Variants in EPHA6 observed in about 807,000 individuals in gnomAD.
EPHA6 encodes EPH receptor A6, also known as ephrin type-A receptor 6.
A neutral mutation model predicts 112.0 loss-of-function variants in EPHA6; 50 were observed. The ratio of observed to expected loss-of-function variants is 0.45; its 90% CI spans 0.36 to 0.56. The LOEUF (loss-of-function observed/expected upper bound fraction) is 0.56, where lower values mean the gene tolerates loss of function less well. EPHA6 is among the 20% of genes least tolerant of loss of function. The pLI is 0.00. For missense variants in EPHA6, 1,280 were observed against 1,417.4 expected (o/e 0.90, Z 1.56); for synonymous variants, 529 against 490.7 (o/e 1.08, Z -1.03).
At chr3:97,265,527 A>G (rs2079648836) in intron 5 of EPHA6, among the ~76,000 whole-genome samples, 1 of 152,154 alleles carries the variant, frequency 6.6e-6, no homozygotes, top group Non-Finnish European at 1.5e-5. Context: ...CTGCTCTGAG[A>G]TCAGAGCAAG....
At chr3:97,141,200 A>C (rs2075893040) in intron 3 of EPHA6, among the ~76,000 whole-genome samples, 1 of 152,022 alleles carries the variant, frequency 6.6e-6, no homozygotes. Context: ...CAAGTACTAA[A>C]GGAAAGGGAT....
intron 2 of EPHA6, among the ~76,000 whole-genome samples, chr3:96,882,774 T>C (rs2037400357): frequency 8.1e-6 from 1 of 123,018 alleles, no homozygotes; most frequent in South Asian, 2.8e-4. Context: ...GTGTGTATAG[T>C]CAATCATCAA....
At chr3:97,195,374 A>C (rs1459778725) in intron 3 of EPHA6, among the ~76,000 whole-genome samples, 1 of 146,508 alleles carries the variant, frequency 6.8e-6, no homozygotes, top group Non-Finnish European at 1.5e-5. Context: ...AGATTAATAA[A>C]GACCCTTTAT....
At chr3:97,434,654 AT>A (rs1281215953) in intron 6 of EPHA6, among the ~76,000 whole-genome samples, 2 of 152,122 alleles carry the variant, frequency 1.3e-5, no homozygotes, top group African/African-American at 2.4e-5. Flanking sequence ...TTATTGCATA[AT>A]TTTTAAGCCA....
intron 14 of EPHA6, among the ~76,000 whole-genome samples, chr3:97,662,408 G>A (rs531149725): frequency 1.3e-5 from 2 of 152,262 alleles, no homozygotes; most frequent in East Asian, 3.9e-4. Flanking sequence ...TTCTTCTTTA[G>A]TGAAAATATC....
At chr3:97,328,076 T>TATATAA (rs1165847634) in intron 5 of EPHA6, among the ~76,000 whole-genome samples, 1 of 145,980 alleles carries the variant, frequency 6.9e-6, no homozygotes, top group Non-Finnish European at 1.5e-5. Flanking sequence ...TATATATATA[T>TATATAA]ATAACCTGTT....
At chr3:97,451,414 T>C (rs1328326576) in intron 7 of EPHA6, among the ~76,000 whole-genome samples, 1 of 151,906 alleles carries the variant, frequency 6.6e-6, no homozygotes, top group Non-Finnish European at 1.5e-5. Context: ...TGGTGAAAAC[T>C]ATGTTCTGAA....
intron 5 of EPHA6, among the ~76,000 whole-genome samples, chr3:97,356,491 G>A (rs2084085813): frequency 6.6e-6 from 1 of 152,108 alleles, no homozygotes; most frequent in Non-Finnish European, 1.5e-5. Flanking sequence ...GTTTTGGTAT[G>A]TTGTATTTTG....
At chr3:97,272,772 T>C (rs1236826284) in intron 5 of EPHA6, among the ~76,000 whole-genome samples, 1 of 152,082 alleles carries the variant, frequency 6.6e-6, no homozygotes, top group Non-Finnish European at 1.5e-5. Flanking sequence ...TGTGGTGGAA[T>C]GTCATCAGTT....
intron 3 of EPHA6, among the ~76,000 whole-genome samples, chr3:97,032,325 C>A (rs1346564694): frequency 6.6e-6 from 1 of 152,020 alleles, no homozygotes; most frequent in Admixed American, 6.6e-5. Flanking sequence ...GGAGGGAAAG[C>A]ATTAGGAGAT....
intron 11 of EPHA6, among the ~76,000 whole-genome samples, chr3:97,557,082 T>C (rs1322865792): frequency 6.6e-6 from 1 of 152,020 alleles, no homozygotes; most frequent in Non-Finnish European, 1.5e-5. Context: ...ACTTTTATTA[T>C]CATAGGATAG....
intron 11 of EPHA6, among the ~76,000 whole-genome samples, chr3:97,577,481 CAGGCATTG>C (rs1415946869): frequency 6.6e-6 from 1 of 152,008 alleles, no homozygotes; most frequent in Non-Finnish European, 1.5e-5. Flanking sequence ...ATCTAAGCAT[CAGGCATTG>C]AGCTAAGCTT....
chr3:96,877,352 G>A (rs1371689223), intron 2 of EPHA6, among the ~76,000 whole-genome samples: 2 of 152,042 alleles, frequency 1.3e-5, no homozygotes, highest in Admixed American at 6.6e-5. Flanking sequence ...GGAATGGAAA[G>A]ATATTGACCT....
intron 3 of EPHA6, among the ~76,000 whole-genome samples, chr3:97,003,519 T>TAAAA (rs1388922357): frequency 5.9e-5 from 9 of 152,172 alleles, no homozygotes; most frequent in Non-Finnish European, 1.5e-5. Context: ...GAGTTTCTTG[T>TAAAA]TGCTTTAAAA....
chr3:97,002,419 T>C (rs116294255), intron 3 of EPHA6, among the ~76,000 whole-genome samples: 3,562 of 147,674 alleles, frequency 0.024, 147 homozygotes, highest in African/African-American at 0.082. Context: ...TTTTTTTTTT[T>C]CAGAAATTCT....
intron 3 of EPHA6, among the ~76,000 whole-genome samples, chr3:97,104,052 G>T (rs1052952281): frequency 6.6e-6 from 1 of 151,966 alleles, no homozygotes; most frequent in Non-Finnish European, 1.5e-5. Flanking sequence ...TGGGGCCAAG[G>T]CTATGGGGTT....
chr3:97,411,996 T>C (rs1402679483), intron 6 of EPHA6, among the ~76,000 whole-genome samples: 2 of 152,022 alleles, frequency 1.3e-5, no homozygotes, highest in Non-Finnish European at 2.9e-5. Context: ...AATGAGGGGC[T>C]CTTGACCTGA....
At chr3:97,334,079 CT>C (rs796431859) in intron 5 of EPHA6, among the ~76,000 whole-genome samples, 5 of 151,846 alleles carry the variant, frequency 3.3e-5, no homozygotes, top group African/African-American at 1.2e-4. Flanking sequence ...TATTTTTTCG[CT>C]TGTTGATATA....
chr3:97,407,180 T>C (rs1349681475), intron 6 of EPHA6, among the ~76,000 whole-genome samples: 2 of 152,070 alleles, frequency 1.3e-5, no homozygotes, highest in African/African-American at 4.8e-5. Context: ...TATAAATTAA[T>C]ATGATTCTAA....
Sources: allele counts gnomAD v4.1 joint callset (sites outside exome capture counted in the v4.1 genomes callset), GRCh38; gene constraint gnomAD v4.1.1; transcripts MANE v1.5; gene names NCBI Gene and HGNC (gene_info 2026-07-23, HGNC 2026-07-21).